Variants in DNAAF1 observed in about 807,000 individuals in gnomAD.
DNAAF1 encodes the protein dynein axonemal assembly factor 1.
DNAAF1 carries 65 observed loss-of-function variants against 71.1 expected under a neutral mutation model. The ratio of observed to expected loss-of-function variants is 0.91; its 90% confidence interval spans 0.75 to 1.12. The LOEUF (loss-of-function observed/expected upper bound fraction) is 1.12, where lower values mean the gene tolerates loss of function less well. Ranked by LOEUF, DNAAF1 falls within the 50% of genes most tolerant of loss-of-function variation. The pLI is 0.00. For synonymous variants in DNAAF1, 414 were observed against 354.6 expected (o/e 1.17, Z -1.88); for missense variants, 1,178 against 899.8 (o/e 1.31, Z -3.96).
intron 9 of DNAAF1, chr16:84,173,582 C>G: frequency 6.1e-6 from 6 of 979,118 alleles, no homozygotes; most frequent in Non-Finnish European, 7.3e-6. Flanking sequence ...ACCTGTAATC[C>G]CAGCACTTTG....
intron 5 of DNAAF1, 121 bp from the exon 6 acceptor site, chr16:84,159,554 T>C (rs988681987): frequency 5.9e-6 from 8 of 1,351,324 alleles, no homozygotes; most frequent in Admixed American, 2.0e-5. Context: ...GGACAGGATA[T>C]TGGCACTTCT....
At chr16:84,162,781 T>C (rs2087775171) in intron 6 of DNAAF1, among the ~76,000 whole-genome samples, 1 of 151,942 alleles carries the variant, frequency 6.6e-6, no homozygotes, top group Non-Finnish European at 1.5e-5. Context: ...ATCACGCCAC[T>C]GCACTCCAGC....
At position 84,176,724 on chromosome 16, in the gene DNAAF1, C is replaced by T; in HGVS notation, c.2065+425C>T. On this transcript the variant is annotated intron_variant, in intron 11 of 11. Coordinates refer to ENST00000378553, the MANE Select transcript of DNAAF1 (RefSeq NM_178452.6). ...GAGTGTGGGGCAAGCGAGGTGACAG[C>T]CACACAAGGGCGTGGCTGCTTCACA... 3 of 290,974 alleles carry T rather than the reference C, an allele frequency of 1.0e-5. No individual in the cohort carries two copies. In the South Asian group the frequency reaches 1.0e-4, roughly 10 times the overall value. The allele number at this position is 290,974 out of a possible 1,614,324, so 18.0% of individuals were successfully genotyped here. A position where few individuals can be genotyped will look rare whatever the true frequency, so the allele number is the denominator to read the frequency against.
At chr16:84,149,230 C>A in intron 2 of DNAAF1, 88 bp downstream of exon 2, 2 of 1,539,994 alleles carry the variant, frequency 1.3e-6, no homozygotes, top group Non-Finnish European at 1.8e-6. Flanking sequence ...GAAATAGAGG[C>A]TGGTAGAGAT....
At chr16:84,168,831 C>CACACACACACAA (rs2088165719) in intron 7 of DNAAF1, among the ~76,000 whole-genome samples, 1 of 150,982 alleles carries the variant, frequency 6.6e-6, no homozygotes, top group Non-Finnish European at 1.5e-5. Context: ...GCCACATACA[C>CACACACACACAA]ACACACACAC....
Position 84,159,177 on chromosome 16 carries a change from A to G in DNAAF1, c.742-498A>G, listed in dbSNP as rs1388180574. The G allele has an allele frequency of 4.0e-6, 4 of 1,000,862 alleles. No individual in the cohort carries two copies. The East Asian group carries it at 3.1e-4, about 79-fold the overall frequency. The allele number at this position is 1,000,862 out of a possible 1,614,324, so 62.0% of individuals were successfully genotyped here. A position where few individuals can be genotyped will look rare whatever the true frequency, so the allele number is the denominator to read the frequency against. On this transcript the variant is annotated intron_variant, in intron 5 of 11. Transcript: ENST00000378553. The stretch of plus-strand genomic sequence containing the variant: ...CAGCGGGGAGAGCTGTAAGCCGAGG[A>G]AGAAGGGCCGTCCATCCTGCGGCAC...
At chr16:84,175,703 G>T (rs2088615374) in intron 10 of DNAAF1, 1 of 570,154 alleles carries the variant, frequency 1.8e-6, no homozygotes, top group African/African-American at 1.9e-5. Flanking sequence ...GGAATAGCCA[G>T]TGGCTGGGGG....
chr16:84,172,132 C>T (rs2088389120), intron 8 of DNAAF1, 128 bp from the exon 9 acceptor site: 3 of 844,836 alleles, frequency 3.6e-6, no homozygotes, highest in East Asian at 2.7e-5. Flanking sequence ...CCACCTTGGC[C>T]CCCCAAAGTG....
In DNAAF1 at chr16:84,176,245, C is replaced by G. The variant is rs1261364798; in HGVS notation, c.2011C>G (p.Pro671Ala). The G allele has an allele frequency of 1.2e-6, 2 of 1,613,720 alleles. No individual in the cohort carries two copies. Among genetic ancestry groups the G allele is most frequent in the Non-Finnish European group, 8.5e-7 (1 of 1,180,036 alleles). Residue 671 changes from proline (P) to alanine (A), a missense_variant, in exon 11 of 12, where the codon CCA becomes GCA. Pro to Ala is a conservative substitution (Grantham distance 27). Transcript: ENST00000378553. Reference protein sequence around the residue: ...MPPTCQRDAAPLTSSGDRDSD... With the variant: ...MPPTCQRDAAALTSSGDRDSD... ...CCCCACCTGCCAAAGAGATGCTGCA[C>G]CACTCACTTCCAGTGGAGACAGGGA...
intron 7 of DNAAF1, 134 bp from the exon 8 acceptor site, chr16:84,169,725 G>C: frequency 7.5e-7 from 1 of 1,327,756 alleles, no homozygotes; most frequent in Non-Finnish European, 1.1e-6. Context: ...CCAGCCCCTT[G>C]AGGACACTTT....
intron 9 of DNAAF1, 192 bp downstream of exon 9, chr16:84,172,567 C>T: frequency 7.0e-7 from 1 of 1,420,978 alleles, no homozygotes; most frequent in Non-Finnish European, 9.2e-7. Flanking sequence ...TAGAATCCAA[C>T]TTTCATGCAC....
At chr16:84,146,473 T>G (rs144065638) in intron 1 of DNAAF1, among the ~76,000 whole-genome samples, 267 of 152,120 alleles carry the variant, frequency 1.8e-3, no homozygotes, top group African/African-American at 6.0e-3. Context: ...TCCCAGCAAT[T>G]TGGGAGGCAG....
intron 6 of DNAAF1, among the ~76,000 whole-genome samples, chr16:84,160,966 G>C (rs2087681474): frequency 6.6e-6 from 1 of 151,874 alleles, no homozygotes; most frequent in South Asian, 2.1e-4. Context: ...AAACCAGAAG[G>C]CCTGCTCCTG....
At chr16:84,166,583 C>T (rs59401319) in intron 7 of DNAAF1, among the ~76,000 whole-genome samples, 15,952 of 151,222 alleles carry the variant, frequency 0.11, 917 homozygotes, top group South Asian at 0.28. Context: ...ATGTTGCCCA[C>T]GCTGGTCTCA....
intron 5 of DNAAF1, among the ~76,000 whole-genome samples, chr16:84,158,584 A>G (rs2087551707): frequency 6.6e-6 from 1 of 152,184 alleles, no homozygotes; most frequent in African/African-American, 2.4e-5. Flanking sequence ...GCTTTATGTT[A>G]ATAGTTGTTT....
At chr16:84,149,358 C>A (rs895580245) in intron 2 of DNAAF1, among the ~76,000 whole-genome samples, 1 of 152,144 alleles carries the variant, frequency 6.6e-6, no homozygotes, top group African/African-American at 2.4e-5. Context: ...AGCAGTAGTT[C>A]CTCATGACAC....
chr16:84,172,220 G>T, intron 8 of DNAAF1, 40 bp from the exon 9 acceptor site: 1 of 1,590,338 alleles, frequency 6.3e-7, no homozygotes, highest in Non-Finnish European at 8.6e-7. Context: ...TCTGCCTGCC[G>T]TGTGTTAAAC....
At chr16:84,159,254 T>C in intron 5 of DNAAF1, 1 of 1,082,846 alleles carries the variant, frequency 9.2e-7, no homozygotes, top group Non-Finnish European at 1.1e-6. Context: ...CACTGCTGCT[T>C]CTCTGTCTAG....
In DNAAF1 at chr16:84,174,646, G is replaced by T. The variant is rs115253516; in HGVS notation, c.1645-23G>T. On this transcript the variant is annotated intron_variant, in intron 9 of 11. Transcript: ENST00000378553. The stretch of plus-strand genomic sequence containing the variant: ...ACAGTGCGTGTACCTCCCTGGTGAT[G>T]TGCGGCTCACTTGCTCTTTCAGGAC... The T allele has an allele frequency of 1.8e-4, 290 of 1,614,162 alleles. 1 individual carries two copies. In the African/African-American group the frequency reaches 3.4e-3, roughly 19 times the overall value.
Sources: gnomAD v4.1 joint callset for allele counts (sites outside exome capture counted in the v4.1 genomes callset) on GRCh38, gnomAD v4.1.1 for gene constraint, MANE v1.5 for transcripts, NCBI Gene and HGNC (gene_info 2026-07-23, HGNC 2026-07-21) for gene names.